The following HIBADH variants were observed in gnomAD, a reference collection of about 807,000 sequenced individuals.
HIBADH encodes the protein 3-hydroxyisobutyrate dehydrogenase, also known as 3-hydroxyisobutyrate dehydrogenase, mitochondrial.
HIBADH carries 25 observed loss-of-function variants against 36.1 expected under a neutral mutation model. That is an observed-to-expected ratio of 0.69 (90% CI 0.50 to 0.97). The LOEUF (loss-of-function observed/expected upper bound fraction) is 0.97. HIBADH is among the 50% of genes least tolerant of loss of function. The pLI is 0.00. For synonymous variants in HIBADH, 160 were observed against 149.5 expected, an observed-to-expected ratio of 1.07 and a Z score of -0.51; for missense variants, 421 against 418.0, an observed-to-expected ratio of 1.01 and a Z score of -0.06.
intron 4 of HIBADH, among the ~76,000 whole-genome samples, chr7:27,598,224 T>C (rs1316011643): frequency 6.6e-6 from 1 of 152,182 alleles, no homozygotes; most frequent in Non-Finnish European, 1.5e-5. Context: ...AAACTAAAGA[T>C]TGCTATGCTA....
chr7:27,568,913 T>A (rs1784586129), intron 4 of HIBADH, among the ~76,000 whole-genome samples: 1 of 100,730 alleles, frequency 9.9e-6, no homozygotes, highest in Non-Finnish European at 1.9e-5. Flanking sequence ...ACCTTTTTTT[T>A]TTTCCAAATT....
intron 4 of HIBADH, among the ~76,000 whole-genome samples, chr7:27,554,715 G>C (rs1183680264): frequency 1.3e-5 from 2 of 152,124 alleles, no homozygotes; most frequent in African/African-American, 4.8e-5. Context: ...ATAAGCAAAA[G>C]GCAAGATGAT....
At chr7:27,622,437 C>T (rs1264837586) in intron 4 of HIBADH, among the ~76,000 whole-genome samples, 2 of 151,866 alleles carry the variant, frequency 1.3e-5, no homozygotes, top group African/African-American at 4.8e-5. Flanking sequence ...TAATAAAGAT[C>T]AGAGCAGAGC....
chr7:27,644,505 C>A (rs1376759488), intron 2 of HIBADH, among the ~76,000 whole-genome samples: 1 of 150,118 alleles, frequency 6.7e-6, no homozygotes, highest in Non-Finnish European at 1.5e-5. Context: ...GAGTCTGAGA[C>A]AGGAGAATTG....
intron 5 of HIBADH, among the ~76,000 whole-genome samples, chr7:27,542,697 C>T (rs1268311237): frequency 6.6e-6 from 1 of 152,010 alleles, no homozygotes; most frequent in Non-Finnish European, 1.5e-5. Context: ...AGTGATCCTC[C>T]TGTCTCAGCC....
At chr7:27,627,991 C>G (rs1785679012) in intron 4 of HIBADH, among the ~76,000 whole-genome samples, 1 of 151,980 alleles carries the variant, frequency 6.6e-6, no homozygotes, top group Admixed American at 6.6e-5. Context: ...ACTCTTGAGA[C>G]CAAAGAAAAT....
At chr7:27,600,343 T>A (rs1302215963) in intron 4 of HIBADH, among the ~76,000 whole-genome samples, 1 of 152,140 alleles carries the variant, frequency 6.6e-6, no homozygotes, top group East Asian at 1.9e-4. Flanking sequence ...ATAACATCAT[T>A]GAAGTCAGGC....
chr7:27,642,753 G>A (rs962688423), intron 2 of HIBADH, among the ~76,000 whole-genome samples: 5 of 145,002 alleles, frequency 3.4e-5, no homozygotes, highest in South Asian at 4.5e-4. Flanking sequence ...CCGGGTTCAC[G>A]CCATTCTCCT....
intron 6 of HIBADH, among the ~76,000 whole-genome samples, chr7:27,532,996 C>T (rs796257841): frequency 6.6e-5 from 10 of 152,164 alleles, no homozygotes; most frequent in African/African-American, 2.4e-4. Context: ...ATGCATACAT[C>T]TAATATGCTC....
intron 4 of HIBADH, among the ~76,000 whole-genome samples, chr7:27,582,596 T>A (rs1266538021): frequency 1.3e-5 from 2 of 152,130 alleles, no homozygotes; most frequent in Non-Finnish European, 2.9e-5. Context: ...GGCACTGGGT[T>A]TTACATATTT....
chr7:27,531,172 G>T lies in HIBADH; in HGVS notation c.852+20C>A. ...GTGAAACGTTTTTCCTTCTCTCTTG[G>T]GTGTCTACATTTACCATACCTTAGC... On this transcript the variant is annotated intron_variant, in intron 7 of 7. Transcript: ENST00000265395. 1 of 1,601,102 alleles carries T rather than the reference G, an allele frequency of 6.2e-7. No individual in the cohort carries two copies. The highest frequency in any genetic ancestry group is 8.5e-7 in the Non-Finnish European group (1 of 1,172,276).
chr7:27,599,207 G>C (rs1785082659), intron 4 of HIBADH, among the ~76,000 whole-genome samples: 1 of 152,016 alleles, frequency 6.6e-6, no homozygotes, highest in South Asian at 2.1e-4. Context: ...TGTTATTTTG[G>C]ATCCAAATAA....
chr7:27,528,601 G>C (rs1294775232), intron 7 of HIBADH, among the ~76,000 whole-genome samples: 2 of 152,310 alleles, frequency 1.3e-5, no homozygotes, highest in African/African-American at 4.8e-5. Flanking sequence ...TTCTGTGAAG[G>C]CTGAGAGAGG....
chr7:27,539,140 A>T (rs535532012), intron 5 of HIBADH, among the ~76,000 whole-genome samples: 1 of 152,268 alleles, frequency 6.6e-6, no homozygotes, highest in African/African-American at 2.4e-5. Context: ...TCAAAGTTTC[A>T]GAATGGGGAA....
At chr7:27,603,966 A>C (rs1330284398) in intron 4 of HIBADH, among the ~76,000 whole-genome samples, 6 of 152,086 alleles carry the variant, frequency 3.9e-5, no homozygotes, top group African/African-American at 7.2e-5. Context: ...CCCCCACACC[A>C]ACACACATAC....
intron 4 of HIBADH, among the ~76,000 whole-genome samples, chr7:27,625,079 G>A (rs941305501): frequency 6.6e-6 from 1 of 152,148 alleles, no homozygotes; most frequent in Non-Finnish European, 1.5e-5. Flanking sequence ...AGAACTGCAC[G>A]TAACAACCAC....
At position 27,644,445 on chromosome 7, in the gene HIBADH, C is replaced by G. The variant is rs796958469; in HGVS notation, c.252+5028G>C. Among the ~76,000 whole-genome samples the G allele has an allele frequency of 3.9e-5, 6 of 151,960 alleles. No individual in the cohort carries two copies. The South Asian group carries it at 1.3e-3, about 32-fold the overall frequency. On this transcript the variant is annotated intron_variant, in intron 2 of 7. Coordinates refer to ENST00000265395, the MANE Select transcript of HIBADH (RefSeq NM_152740.4). ...TGAAACCCCATCTCTACTAAAAATA[C>G]AAAAATTAGACAGGCGTGGTGACAT...
At chr7:27,576,437 T>C (rs927395612) in intron 4 of HIBADH, among the ~76,000 whole-genome samples, 3 of 152,228 alleles carry the variant, frequency 2.0e-5, no homozygotes, top group Non-Finnish European at 2.9e-5. Context: ...AACTTGTCAT[T>C]GAATGATTAA....
At chr7:27,556,759 T>C (rs1784393927) in intron 4 of HIBADH, among the ~76,000 whole-genome samples, 1 of 152,222 alleles carries the variant, frequency 6.6e-6, no homozygotes, top group South Asian at 2.1e-4. Context: ...AGTCTGTCTG[T>C]TCTTGAACAA....
Sources: gnomAD v4.1 joint callset for allele counts (sites outside exome capture counted in the v4.1 genomes callset) on GRCh38, gnomAD v4.1.1 for gene constraint, MANE v1.5 for transcripts, NCBI Gene and HGNC (gene_info 2026-07-23, HGNC 2026-07-21) for gene names.